ADGRB3: variants seen among roughly 807,000 people sequenced by gnomAD.
ADGRB3 encodes the protein brain-specific angiogenesis inhibitor 3.
In ADGRB3, 37 loss-of-function variants were observed where a neutral mutation model predicts 193.4. The ratio of observed to expected loss-of-function variants is 0.19; its 90% CI spans 0.15 to 0.25. ADGRB3 has a LOEUF of 0.25. Ranked by LOEUF, ADGRB3 falls within the 10% of genes least tolerant of loss-of-function variation. The probability of loss-of-function intolerance (pLI) is 1.00; values close to 1 mark genes in which losing one functional copy is unlikely to be tolerated. For missense variants in ADGRB3, 1,637 were observed against 1,852.9 expected (o/e 0.88, Z 2.14); for synonymous variants, 690 against 644.2 (o/e 1.07, Z -1.08).
intron 8 of ADGRB3, among the ~76,000 whole-genome samples, chr6:68,964,370 C>T (rs1472280731): frequency 6.6e-6 from 1 of 152,142 alleles, no homozygotes; most frequent in African/African-American, 2.4e-5. Context: ...CCTAAAGCCT[C>T]AGAGCAACTG....
intron 3 of ADGRB3, among the ~76,000 whole-genome samples, chr6:68,847,218 C>T (rs1768297230): frequency 6.6e-6 from 1 of 152,164 alleles, no homozygotes; most frequent in Non-Finnish European, 1.5e-5. Context: ...TTTCTTTTGA[C>T]TTCACAGGCT....
At chr6:69,272,020 A>T (rs960733003) in intron 20 of ADGRB3, among the ~76,000 whole-genome samples, 1 of 152,364 alleles carries the variant, frequency 6.6e-6, no homozygotes, top group Admixed American at 6.5e-5. Context: ...AATTCCAAAC[A>T]CATTAGGGCA....
intron 12 of ADGRB3, among the ~76,000 whole-genome samples, chr6:69,014,463 A>G (rs1770031814): frequency 6.6e-6 from 1 of 152,100 alleles, no homozygotes; most frequent in East Asian, 1.9e-4. Context: ...TAGTAAAACC[A>G]TTTGCATTTA....
chr6:68,901,929 G>A (rs565407537), intron 3 of ADGRB3, among the ~76,000 whole-genome samples: 1 of 152,124 alleles, frequency 6.6e-6, no homozygotes, highest in Non-Finnish European at 1.5e-5. Flanking sequence ...TTTTTAAATG[G>A]GAGAAGTGGT....
At chr6:68,886,015 A>G (rs1765897352) in intron 3 of ADGRB3, among the ~76,000 whole-genome samples, 1 of 152,180 alleles carries the variant, frequency 6.6e-6, no homozygotes, top group African/African-American at 2.4e-5. Context: ...TTATTTGGAT[A>G]TAGACCCTCA....
intron 17 of ADGRB3, among the ~76,000 whole-genome samples, chr6:69,183,165 A>G (rs1489444467): frequency 1.3e-5 from 2 of 152,074 alleles, no homozygotes; most frequent in Non-Finnish European, 2.9e-5. Flanking sequence ...TATGCACTCT[A>G]CTTTTCACCA....
chr6:69,210,999 G>C (rs1765652494), intron 17 of ADGRB3, among the ~76,000 whole-genome samples: 1 of 152,070 alleles, frequency 6.6e-6, no homozygotes, highest in Admixed American at 6.5e-5. Flanking sequence ...GCAGGCACCT[G>C]TAGTCCCAGC....
At chr6:68,847,738 A>T (rs1768309256) in intron 3 of ADGRB3, among the ~76,000 whole-genome samples, 1 of 152,142 alleles carries the variant, frequency 6.6e-6, no homozygotes, top group Non-Finnish European at 1.5e-5. Context: ...GGACTAATAC[A>T]CTGTTAAAGA....
At chr6:68,796,628 G>C (rs938432205) in intron 3 of ADGRB3, among the ~76,000 whole-genome samples, 4 of 152,096 alleles carry the variant, frequency 2.6e-5, no homozygotes, top group African/African-American at 2.4e-5. Context: ...CTGTTATCTT[G>C]GTGACAGTGC....
intron 29 of ADGRB3, among the ~76,000 whole-genome samples, chr6:69,368,443 G>A (rs1459419080): frequency 6.6e-6 from 1 of 152,224 alleles, no homozygotes; most frequent in Non-Finnish European, 1.5e-5. Context: ...GAAAACGAGG[G>A]ACAGAAAGGA....
chr6:69,237,102 C>T (rs960486498), intron 19 of ADGRB3, among the ~76,000 whole-genome samples: 1 of 151,908 alleles, frequency 6.6e-6, no homozygotes, highest in Non-Finnish European at 1.5e-5. Context: ...ATAGAAACTT[C>T]GAGAACTGAA....
chr6:68,877,957 C>T (rs504160), intron 3 of ADGRB3, among the ~76,000 whole-genome samples: 2 of 151,806 alleles, frequency 1.3e-5, no homozygotes, highest in Non-Finnish European at 2.9e-5. Flanking sequence ...ATATGAATAA[C>T]TTCATTAAGA....
chr6:69,239,214 G>A lies in ADGRB3; in HGVS notation c.2802G>A (p.Gln934=). 6.4e-6 allele frequency: 10 copies of A among 1,564,812 alleles called. No homozygotes were observed. The highest frequency in any genetic ancestry group is 8.8e-6 in the Non-Finnish European group (10 of 1,138,050). Residue 934 remains glutamine, a synonymous_variant, in exon 20 of 32, where the codon CAG becomes CAA. Coordinates refer to ENST00000370598, the MANE Select transcript of ADGRB3 (RefSeq NM_001704.3). ...TCCTCATACTGGTTGGACAGACTCA[G>A]ACACATAATAAGGTATGACTGGTAA... The part of the protein sequence containing the change: ...SNILILVGQT[Q]THNKSICTTT...
chr6:69,234,982 T>A (rs780647673), intron 18 of ADGRB3, 50 bp from the exon 19 acceptor site: 29 of 1,440,574 alleles, frequency 2.0e-5, no homozygotes, highest in Admixed American at 3.4e-5. Flanking sequence ...GAAGTTATTT[T>A]AATTTATTAA....
rs1448860933 is a variant in ADGRB3, at chr6:69,372,456, A to G, written c.4275+15A>G. ...TTGACTTTGAGGTAAGTTTATATGA[A>G]TTATTTTAGAATTGTAATTACTTGA... On this transcript the variant is annotated intron_variant, in intron 30 of 31. Coordinates refer to ENST00000370598, the MANE Select transcript of ADGRB3 (RefSeq NM_001704.3). The G allele has an allele frequency of 2.3e-6, 3 of 1,291,934 alleles. No individual in the cohort carries two copies. The highest frequency in any genetic ancestry group is 3.2e-6 in the Non-Finnish European group (3 of 942,624). 80.0% of individuals were successfully genotyped at this position (1,291,934 alleles called of 1,614,324 possible).
In ADGRB3 at chr6:69,039,164, G is replaced by A. The variant is rs182586247; in HGVS notation, c.2108-9021G>A. ...TACTTAATAATGGCTCCAAAGAGTA[G>A]TGATACTGGCAATTGGATATGCCAA... On this transcript the variant is annotated intron_variant, in intron 13 of 31. Transcript: ENST00000370598. Among the ~76,000 whole-genome samples the A allele has an allele frequency of 2.4e-3, 363 of 151,824 alleles. 1 individual carries two copies. The highest frequency in any genetic ancestry group is 8.5e-3 in the African/African-American group (350 of 41,368).
At position 69,069,399 on chromosome 6, in the gene ADGRB3, T is replaced by C. The variant is rs145476220; in HGVS notation, c.2436+6363T>C. 2.8e-4 allele frequency among the ~76,000 whole-genome samples: 42 copies of C among 151,822 alleles called. No individual in the cohort carries two copies. The East Asian group carries it at 6.6e-3, about 24-fold the overall frequency. ...CTGTGGAAAAATTTACGTCTACTAA[T>C]GTCTTGCTTCCCTTAGCAATTCCTG... On this transcript the variant is annotated intron_variant, in intron 16 of 31. Transcript: ENST00000370598.
intron 8 of ADGRB3, among the ~76,000 whole-genome samples, chr6:68,957,096 C>T (rs771215542): frequency 1.3e-4 from 20 of 152,264 alleles, no homozygotes; most frequent in African/African-American, 2.2e-4. Context: ...AAAGAAGTGT[C>T]GCTGACATTC....
At chr6:68,806,488 A>C (rs1767403453) in intron 3 of ADGRB3, among the ~76,000 whole-genome samples, 1 of 152,068 alleles carries the variant, frequency 6.6e-6, no homozygotes, top group Non-Finnish European at 1.5e-5. Flanking sequence ...TTAATTATAA[A>C]GCTATAAATC....
Sources: gnomAD v4.1 joint callset for allele counts (sites outside exome capture counted in the v4.1 genomes callset) on GRCh38, gnomAD v4.1.1 for gene constraint, MANE v1.5 for transcripts, NCBI Gene and HGNC (gene_info 2026-07-23, HGNC 2026-07-21) for gene names.